The following TMTC2 variants were observed in gnomAD, a reference collection of about 807,000 sequenced individuals.
The protein encoded by TMTC2 is transmembrane O-mannosyltransferase targeting cadherins 2.
In TMTC2, 43 loss-of-function variants were observed where a neutral mutation model predicts 82.4. The ratio of observed to expected loss-of-function variants is 0.52; its 90% CI spans 0.41 to 0.67. The LOEUF is 0.67. TMTC2 is among the 30% of genes least tolerant of loss of function. TMTC2 has a pLI of 0.00. For missense variants in TMTC2, 919 were observed against 1,012.4 expected (o/e 0.91, Z 1.25); for synonymous variants, 408 against 381.9 (o/e 1.07, Z -0.80).
chr12:82,891,092 T>C (rs1163361969), intron 2 of TMTC2, among the ~76,000 whole-genome samples: 1 of 152,174 alleles, frequency 6.6e-6, no homozygotes, highest in Non-Finnish European at 1.5e-5. Context: ...AGGTAAATTG[T>C]AGGGTCACCT....
intron 1 of TMTC2, among the ~76,000 whole-genome samples, chr12:82,793,527 TAGA>T (rs1008641445): frequency 1.6e-4 from 24 of 152,260 alleles, no homozygotes; most frequent in African/African-American, 5.8e-4. Context: ...ATTTTATATG[TAGA>T]AGAACATGCT....
intron 11 of TMTC2, among the ~76,000 whole-genome samples, chr12:83,115,647 AT>A (rs11316057): frequency 0.18 from 26,502 of 150,364 alleles, 2,888 homozygotes; most frequent in African/African-American, 0.31. Flanking sequence ...TTTTTTTATT[AT>A]TTTTTTTTTT....
intron 3 of TMTC2, among the ~76,000 whole-genome samples, chr12:82,923,768 C>T (rs1875527080): frequency 6.6e-6 from 1 of 152,078 alleles, no homozygotes; most frequent in South Asian, 2.1e-4. Flanking sequence ...ACATAGAATT[C>T]ATAGATTAAT....
In TMTC2 at chr12:83,104,944, G is replaced by A. The variant is rs558527553; in HGVS notation, c.2332-27266G>A. On this transcript the variant is annotated intron_variant, in intron 11 of 11. Transcript: ENST00000321196. ...TCACTCCTGTGTCAGAGAGTAGGCT[G>A]TTAGAAGCAGCCAGACCACTGCTTG... Among the ~76,000 whole-genome samples the A allele has an allele frequency of 3.9e-5, 6 of 152,294 alleles. No individual in the cohort carries two copies. In the East Asian group the frequency reaches 5.8e-4, roughly 15 times the overall value.
chr12:83,063,537 T>G (rs1303800361), intron 11 of TMTC2, among the ~76,000 whole-genome samples: 1 of 151,898 alleles, frequency 6.6e-6, no homozygotes. Context: ...CACAGATACC[T>G]TTGTGATCCC....
chr12:82,940,112 C>A (rs1052412344), intron 4 of TMTC2, among the ~76,000 whole-genome samples: 1 of 150,856 alleles, frequency 6.6e-6, no homozygotes, highest in Non-Finnish European at 1.5e-5. Context: ...CCTCCGCCTC[C>A]CGCGTTCAAG....
At chr12:83,101,759 T>G in intron 11 of TMTC2, among the ~76,000 whole-genome samples, 1 of 152,186 alleles carries the variant, frequency 6.6e-6, no homozygotes, top group East Asian at 1.9e-4. Context: ...GGGGATCAGT[T>G]AAGATCGTAT....
intron 7 of TMTC2, 112 bp from the exon 8 acceptor site, chr12:82,985,813 C>T: frequency 7.4e-7 from 1 of 1,345,028 alleles, no homozygotes; most frequent in South Asian, 1.6e-5. Context: ...AAAGTACTTC[C>T]CACAGCATCT....
Position 83,119,987 on chromosome 12 carries a change from C to T in TMTC2, c.2332-12223C>T, listed in dbSNP as rs1592506299. Reference sequence around the variant, plus strand: ...GCTCACTTTTGGTGTCCATTTGCGTCAAATGTCTTTTTCTACCCTTTTACC... The same window carrying T: ...GCTCACTTTTGGTGTCCATTTGCGTTAAATGTCTTTTTCTACCCTTTTACC... On this transcript the variant is annotated intron_variant, in intron 11 of 11. Transcript: ENST00000321196. Among the ~76,000 whole-genome samples, 6 of 152,224 alleles carry T rather than the reference C, an allele frequency of 3.9e-5. No individual in the cohort carries two copies. The South Asian group carries it at 1.2e-3, about 32-fold the overall frequency.
chr12:82,793,627 C>T (rs1243106008), intron 1 of TMTC2, among the ~76,000 whole-genome samples: 2 of 152,018 alleles, frequency 1.3e-5, no homozygotes, highest in Non-Finnish European at 2.9e-5. Flanking sequence ...AAATTAACAG[C>T]ATGAGGAGTT....
At chr12:82,969,759 T>A (rs963437546) in intron 7 of TMTC2, among the ~76,000 whole-genome samples, 6 of 152,220 alleles carry the variant, frequency 3.9e-5, no homozygotes, top group Admixed American at 1.3e-4. Flanking sequence ...GTAGTTTTTT[T>A]AAATGTTTAA....
At chr12:82,918,708 C>A (rs1875173143) in intron 3 of TMTC2, among the ~76,000 whole-genome samples, 3 of 129,936 alleles carry the variant, frequency 2.3e-5, no homozygotes, top group African/African-American at 8.8e-5. Flanking sequence ...TATCTTTTTT[C>A]TTTTCTTCTC....
At chr12:82,898,388 T>A (rs1873786932) in intron 3 of TMTC2, among the ~76,000 whole-genome samples, 1 of 152,248 alleles carries the variant, frequency 6.6e-6, no homozygotes, top group Non-Finnish European at 1.5e-5. Context: ...TATAGGGAAT[T>A]GAAAAAATTC....
chr12:83,013,064 G>A (rs759194574), intron 8 of TMTC2, among the ~76,000 whole-genome samples: 1 of 152,008 alleles, frequency 6.6e-6, no homozygotes, highest in Non-Finnish European at 1.5e-5. Context: ...CTGTAGTTTT[G>A]CTGAAGTTCA....
In TMTC2 at chr12:82,917,897, G is replaced by A. The variant is rs949811983; in HGVS notation, c.1484-12534G>A. Reference sequence around the variant, plus strand: ...ATTACAGGCGTGAGCCACTGCTCCCGGCCAGCTTTTATTTTTTTGAGACAG... The same window carrying A: ...ATTACAGGCGTGAGCCACTGCTCCCAGCCAGCTTTTATTTTTTTGAGACAG... On this transcript the variant is annotated intron_variant, in intron 3 of 11. Transcript: ENST00000321196. Among the ~76,000 whole-genome samples, 17 of 148,440 alleles carry A rather than the reference G, an allele frequency of 1.1e-4. No individual in the cohort carries two copies. The East Asian group carries it at 3.3e-3, about 29-fold the overall frequency.
intron 1 of TMTC2, among the ~76,000 whole-genome samples, chr12:82,704,463 A>AT (rs1873246210): frequency 6.6e-6 from 1 of 152,166 alleles, no homozygotes; most frequent in South Asian, 2.1e-4. Flanking sequence ...TACCTACTGC[A>AT]TTTGAAGAAA....
At chr12:82,742,746 A>T (rs1324074761) in intron 1 of TMTC2, among the ~76,000 whole-genome samples, 1 of 151,568 alleles carries the variant, frequency 6.6e-6, no homozygotes, top group Admixed American at 6.6e-5. Flanking sequence ...CTGGTCTCGA[A>T]CTCCTGACCT....
chr12:83,055,857 A>G (rs1290699626), intron 10 of TMTC2, among the ~76,000 whole-genome samples: 1 of 152,000 alleles, frequency 6.6e-6, no homozygotes, highest in African/African-American at 2.4e-5. Flanking sequence ...CTGAGTGTAC[A>G]TCTGTGAAGT....
At position 82,735,637 on chromosome 12, in the gene TMTC2, A is replaced by C. The variant is rs143711543; in HGVS notation, c.83+47968A>C. Among the ~76,000 whole-genome samples the C allele has an allele frequency of 4.2e-5, 6 of 143,894 alleles. No homozygotes were observed. The East Asian group carries it at 9.9e-4, about 24-fold the overall frequency. 94.4% of individuals were successfully genotyped at this position (143,894 alleles called of 152,430 possible). On this transcript the variant is annotated intron_variant, in intron 1 of 11. Coordinates refer to ENST00000321196, the MANE Select transcript of TMTC2 (RefSeq NM_152588.3). ...TGGGATTACAGGCGTGAGCCACCGC[A>C]CCCAGCCCCCCTAATTTTGATTTTT... is the stretch of plus-strand genomic sequence containing the variant.
Sources: allele counts gnomAD v4.1 joint callset (sites outside exome capture counted in the v4.1 genomes callset), GRCh38; gene constraint gnomAD v4.1.1; transcripts MANE v1.5; gene names NCBI Gene and HGNC (gene_info 2026-07-23, HGNC 2026-07-21).